CNTN1: variants seen among roughly 807,000 people sequenced by gnomAD.
CNTN1 encodes contactin-1.
In CNTN1, 38 loss-of-function variants were observed where a neutral mutation model predicts 126.4. That is an observed-to-expected ratio of 0.30 (90% CI 0.23 to 0.39). The LOEUF is 0.39. Among genes scored for constraint, CNTN1 ranks in the 10% least tolerant of loss-of-function variants. The pLI, the probability that CNTN1 is intolerant of heterozygous loss-of-function variation, is 1.00. For synonymous variants in CNTN1, 413 were observed against 422.6 expected, an observed-to-expected ratio of 0.98 and a Z score of 0.28; for missense variants, 1,009 against 1,248.4, an observed-to-expected ratio of 0.81 and a Z score of 2.89.
intron 1 of CNTN1, among the ~76,000 whole-genome samples, chr12:40,907,431 A>G (rs1402312493): frequency 6.6e-6 from 1 of 152,168 alleles, no homozygotes; most frequent in Non-Finnish European, 1.5e-5. Context: ...TCATAGCTAC[A>G]TGCTTAGTCA....
intron 1 of CNTN1, among the ~76,000 whole-genome samples, chr12:40,795,949 A>G (rs1210001153): frequency 1.3e-5 from 2 of 152,060 alleles, no homozygotes; most frequent in Non-Finnish European, 2.9e-5. Context: ...TTGTAATTTG[A>G]CAGATGAATT....
At chr12:40,933,969 T>C in intron 9 of CNTN1, 91 bp downstream of exon 9, 1 of 997,656 alleles carries the variant, frequency 1.0e-6, no homozygotes, top group South Asian at 1.4e-5. Flanking sequence ...TAATGATTAA[T>C]GGTTTTAAAA....
At chr12:41,003,237 A>G (rs1477377442) in intron 17 of CNTN1, among the ~76,000 whole-genome samples, 19 of 152,134 alleles carry the variant, frequency 1.2e-4, no homozygotes, top group Admixed American at 1.2e-3. Flanking sequence ...TTATGTGATG[A>G]ATCACATTTA....
chr12:40,981,037 C>G lies in CNTN1; in HGVS notation c.1933C>G (p.Leu645Val). 6.2e-7 allele frequency: 1 copy of G among 1,613,212 alleles called. No homozygotes were observed. The highest frequency in any genetic ancestry group is 8.5e-7 in the Non-Finnish European group (1 of 1,179,750). ...ATACACTATCCAGACCAAGACTATT[C>G]TTTCAGATGACTGGAAAGATGCAAA... ...SKYTIQTKTI[L>V]SDDWKDAKTD... The change falls in exon 16 of 24, where the codon CTT (leucine) becomes GTT (valine). Residue 645 changes from leucine (L) to valine (V), a missense_variant. Transcript: ENST00000551295.
chr12:41,042,669 C>CA (rs1949443449), intron 23 of CNTN1, among the ~76,000 whole-genome samples: 2 of 151,996 alleles, frequency 1.3e-5, no homozygotes. Context: ...CATATGGAAC[C>CA]AAAAAAGAGC....
At chr12:40,710,746 T>A (rs1390998873) in intron 1 of CNTN1, among the ~76,000 whole-genome samples, 1 of 152,164 alleles carries the variant, frequency 6.6e-6, no homozygotes, top group African/African-American at 2.4e-5. Context: ...GTTACAACTG[T>A]TTTTACAAAT....
intron 1 of CNTN1, among the ~76,000 whole-genome samples, chr12:40,781,566 G>T (rs1252958210): frequency 6.6e-6 from 1 of 151,886 alleles, no homozygotes; most frequent in Non-Finnish European, 1.5e-5. Context: ...TTATTATCTT[G>T]TATGGGCTAA....
At position 40,864,333 on chromosome 12, in the gene CNTN1, T is replaced by C. The variant is rs368785537; in HGVS notation, c.-76-44024T>C. Among the ~76,000 whole-genome samples the C allele has an allele frequency of 5.3e-5, 8 of 152,190 alleles. No individual in the cohort carries two copies. In the South Asian group the frequency reaches 1.7e-3, roughly 32 times the overall value. On this transcript the variant is annotated intron_variant, in intron 1 of 23. Transcript: ENST00000551295. ...CCATGCCCAGACCTATTTTTCTTTT[T>C]CTTTTAATAACTTTATTGAGATATT...
At chr12:41,057,406 A>G (rs934474016) in intron 23 of CNTN1, among the ~76,000 whole-genome samples, 3 of 151,768 alleles carry the variant, frequency 2.0e-5, no homozygotes, top group East Asian at 3.9e-4. Flanking sequence ...TCACATGTAC[A>G]TTAGTAGACC....
chr12:40,737,596 G>C (rs1490089661), intron 1 of CNTN1, among the ~76,000 whole-genome samples: 1 of 151,522 alleles, frequency 6.6e-6, no homozygotes, highest in Non-Finnish European at 1.5e-5. Context: ...ATATTCGCCG[G>C]CAGCTGAGTA....
intron 23 of CNTN1, among the ~76,000 whole-genome samples, chr12:41,043,689 C>T (rs1339917952): frequency 4.6e-5 from 7 of 152,046 alleles, no homozygotes; most frequent in Admixed American, 1.3e-4. Flanking sequence ...GCTATAAAGA[C>T]ACATGCACAC....
chr12:40,763,289 A>C (rs1291271683), intron 1 of CNTN1: 2 of 152,238 alleles, frequency 1.3e-5, no homozygotes, highest in African/African-American at 4.8e-5. Context: ...ATGGACTAAG[A>C]CAGTAGGCAA....
intron 14 of CNTN1, among the ~76,000 whole-genome samples, chr12:40,949,729 C>G (rs1946595495): frequency 6.6e-6 from 1 of 151,462 alleles, no homozygotes; most frequent in South Asian, 2.1e-4. Flanking sequence ...TGCCTGCCAC[C>G]ACACCTGACC....
intron 1 of CNTN1, among the ~76,000 whole-genome samples, chr12:40,809,108 G>A (rs1320104674): frequency 6.6e-6 from 1 of 151,960 alleles, no homozygotes; most frequent in African/African-American, 2.4e-5. Context: ...TTGAAATATT[G>A]TGTATTTCTA....
chr12:40,736,146 C>T (rs778820264), intron 1 of CNTN1, among the ~76,000 whole-genome samples: 3 of 151,940 alleles, frequency 2.0e-5, no homozygotes, highest in Non-Finnish European at 2.9e-5. Context: ...GACCACTATT[C>T]GGACACACAC....
chr12:41,038,878 C>CG (rs1949331011), intron 23 of CNTN1, among the ~76,000 whole-genome samples: 1 of 151,066 alleles, frequency 6.6e-6, no homozygotes, highest in South Asian at 2.1e-4. Flanking sequence ...GGGGCTTATT[C>CG]TGATAAGGAA....
chr12:41,036,988 G>A (rs1167296964), intron 23 of CNTN1, among the ~76,000 whole-genome samples: 1 of 152,048 alleles, frequency 6.6e-6, no homozygotes, highest in Non-Finnish European at 1.5e-5. Context: ...ATATACAGAT[G>A]TATTTGACAG....
At chr12:40,854,084 G>GTA (rs34863809) in intron 1 of CNTN1, among the ~76,000 whole-genome samples, 3 of 150,018 alleles carry the variant, frequency 2.0e-5, no homozygotes, top group African/African-American at 7.4e-5. Flanking sequence ...CATTCCTACT[G>GTA]TATGCTAGGT....
intron 1 of CNTN1, among the ~76,000 whole-genome samples, chr12:40,803,173 G>C (rs1218778138): frequency 6.6e-6 from 1 of 151,888 alleles, no homozygotes; most frequent in African/African-American, 2.4e-5. Flanking sequence ...CTATCATGTT[G>C]GCTACTGTTT....
Sources: gnomAD v4.1 joint callset for allele counts (sites outside exome capture counted in the v4.1 genomes callset) on GRCh38, gnomAD v4.1.1 for gene constraint, MANE v1.5 for transcripts, NCBI Gene and HGNC (gene_info 2026-07-23, HGNC 2026-07-21) for gene names.